GSG1L: variants seen among roughly 807,000 people sequenced by gnomAD.
The protein encoded by GSG1L is germ cell-specific gene 1-like protein.
Under a neutral mutation model 42.1 loss-of-function variants are expected in GSG1L, and 24 were observed. The ratio of observed to expected loss-of-function variants is 0.57; its 90% CI spans 0.41 to 0.80. GSG1L has a LOEUF of 0.80. Ranked by LOEUF, GSG1L falls within the 30% of genes least tolerant of loss-of-function variation. The pLI is 0.00. For missense variants in GSG1L, 445 were observed against 472.2 expected (o/e 0.94, Z 0.53); for synonymous variants, 215 against 203.5 (o/e 1.06, Z -0.48).
intron 2 of GSG1L, among the ~76,000 whole-genome samples, chr16:27,901,957 G>T (rs191164719): frequency 2.1e-4 from 32 of 152,306 alleles, no homozygotes; most frequent in Non-Finnish European, 4.3e-4. Context: ...TCACTTGGCC[G>T]GCTGCTTCCC....
At chr16:27,820,368 C>A (rs1424250670) in intron 5 of GSG1L, among the ~76,000 whole-genome samples, 1 of 151,780 alleles carries the variant, frequency 6.6e-6, no homozygotes, top group Non-Finnish European at 1.5e-5. Flanking sequence ...CTGTGGGAGC[C>A]GAAGAGAGAG....
chr16:27,860,872 G>A (rs903700992), intron 3 of GSG1L, among the ~76,000 whole-genome samples: 6 of 152,356 alleles, frequency 3.9e-5, no homozygotes, highest in Non-Finnish European at 7.3e-5. Context: ...GTTGGCCTCT[G>A]TAAATACTTG....
chr16:27,937,887 G>T (rs9923466), intron 2 of GSG1L, among the ~76,000 whole-genome samples: 108,549 of 151,852 alleles, frequency 0.71, 39,023 homozygotes, highest in Non-Finnish European at 0.75. Context: ...TTCCCTTGAC[G>T]CCTCTACACA....
chr16:27,822,174 A>G (rs1183757333), intron 5 of GSG1L, among the ~76,000 whole-genome samples: 1 of 152,166 alleles, frequency 6.6e-6, no homozygotes, highest in Non-Finnish European at 1.5e-5. Flanking sequence ...TCCTCACAAC[A>G]AAGCCTCAAG....
At chr16:27,839,891 G>A (rs1188560004) in intron 4 of GSG1L, among the ~76,000 whole-genome samples, 14 of 152,230 alleles carry the variant, frequency 9.2e-5, no homozygotes, top group Non-Finnish European at 2.9e-5. Flanking sequence ...AAGGCTAATT[G>A]TGTGGCTTTC....
intron 1 of GSG1L, among the ~76,000 whole-genome samples, chr16:27,975,771 C>T (rs1218956486): frequency 1.3e-5 from 2 of 152,180 alleles, no homozygotes; most frequent in Non-Finnish European, 2.9e-5. Flanking sequence ...CCAATGTCAA[C>T]GTTTTATATT....
intron 1 of GSG1L, among the ~76,000 whole-genome samples, chr16:28,052,632 GTCACCAT>G (rs1317725578): frequency 5.3e-5 from 8 of 152,140 alleles, no homozygotes; most frequent in Non-Finnish European, 1.0e-4. Flanking sequence ...CCCCAGTGAG[GTCACCAT>G]GAAGTAGAGC....
chr16:27,895,706 T>C (rs958325823), intron 2 of GSG1L, among the ~76,000 whole-genome samples: 10 of 151,792 alleles, frequency 6.6e-5, no homozygotes, highest in Non-Finnish European at 2.9e-5. Context: ...TTCCAAAAAG[T>C]CCCAGAGAGG....
At chr16:27,809,537 C>T (rs1053257014) in intron 5 of GSG1L, among the ~76,000 whole-genome samples, 1 of 151,552 alleles carries the variant, frequency 6.6e-6, no homozygotes, top group Non-Finnish European at 1.5e-5. Context: ...GTGATTATAC[C>T]ACTGCACTCC....
At chr16:28,008,956 C>G (rs1430924625) in intron 1 of GSG1L, among the ~76,000 whole-genome samples, 2 of 151,854 alleles carry the variant, frequency 1.3e-5, no homozygotes, top group Non-Finnish European at 2.9e-5. Context: ...TTACAGTTAC[C>G]CGCCACCACG....
At chr16:27,962,739 G>C (rs1342713485) in intron 2 of GSG1L, among the ~76,000 whole-genome samples, 2 of 152,108 alleles carry the variant, frequency 1.3e-5, no homozygotes, top group East Asian at 3.9e-4. Flanking sequence ...CATCCAATCA[G>C]ACTGGCCCTC....
intron 2 of GSG1L, among the ~76,000 whole-genome samples, chr16:27,944,388 G>A (rs1391376596): frequency 7.9e-5 from 12 of 152,008 alleles, no homozygotes; most frequent in Admixed American, 6.6e-4. Flanking sequence ...TTGGGAGGCC[G>A]AGGCGGGAAG....
chr16:27,837,942 C>T (rs949432045), intron 4 of GSG1L, among the ~76,000 whole-genome samples: 1 of 151,872 alleles, frequency 6.6e-6, no homozygotes, highest in South Asian at 2.1e-4. Context: ...AAGAACTCAG[C>T]AATGTGTCGT....
At chr16:28,057,350 G>A (rs2086291099) in intron 1 of GSG1L, among the ~76,000 whole-genome samples, 1 of 152,138 alleles carries the variant, frequency 6.6e-6, no homozygotes, top group Non-Finnish European at 1.5e-5. Context: ...CAATGGACTA[G>A]GCATCCAAAC....
At chr16:28,050,067 G>T (rs2086205334) in intron 1 of GSG1L, among the ~76,000 whole-genome samples, 1 of 152,204 alleles carries the variant, frequency 6.6e-6, no homozygotes, top group Non-Finnish European at 1.5e-5. Flanking sequence ...ACCTGGGACA[G>T]AATAGGTGTT....
intron 6 of GSG1L, among the ~76,000 whole-genome samples, chr16:27,796,803 T>C (rs56404434): frequency 0.17 from 26,576 of 152,200 alleles, 2,376 homozygotes; most frequent in African/African-American, 0.23. Context: ...CAAAGTCCAC[T>C]GCACCTGCCA....
At chr16:27,885,296 T>C (rs898923405) in intron 2 of GSG1L, among the ~76,000 whole-genome samples, 6 of 151,836 alleles carry the variant, frequency 4.0e-5, no homozygotes, top group Non-Finnish European at 8.8e-5. Context: ...AATATGGGAG[T>C]GCGCCACCAA....
At chr16:27,919,583 C>A (rs1228740229) in intron 2 of GSG1L, among the ~76,000 whole-genome samples, 8 of 152,172 alleles carry the variant, frequency 5.3e-5, no homozygotes, top group Non-Finnish European at 7.3e-5. Context: ...AGCAGAACAT[C>A]TAGCTTCCTA....
intron 6 of GSG1L, among the ~76,000 whole-genome samples, chr16:27,798,269 A>G (rs1180827738): frequency 1.3e-5 from 2 of 152,132 alleles, no homozygotes; most frequent in East Asian, 1.9e-4. Flanking sequence ...AAAGGCAGAG[A>G]CGAACGTGTT....
Sources: gnomAD v4.1 joint callset for allele counts (sites outside exome capture counted in the v4.1 genomes callset) on GRCh38, gnomAD v4.1.1 for gene constraint, MANE v1.5 for transcripts, NCBI Gene and HGNC (gene_info 2026-07-23, HGNC 2026-07-21) for gene names.